The following PLEKHM3 variants were observed in gnomAD, a reference collection of about 807,000 sequenced individuals.
PLEKHM3 encodes pleckstrin homology domain containing M3.
A neutral mutation model predicts 81.8 loss-of-function variants in PLEKHM3; 45 were observed. The ratio of observed to expected loss-of-function variants is 0.55; its 90% confidence interval spans 0.43 to 0.71. PLEKHM3 has a LOEUF of 0.71. Ranked by LOEUF, PLEKHM3 falls within the 30% of genes least tolerant of loss-of-function variation. The probability of loss-of-function intolerance (pLI) is 0.00; values close to 1 mark genes in which losing one functional copy is unlikely to be tolerated. For missense variants in PLEKHM3, 788 were observed against 924.3 expected (o/e 0.85, Z 1.91); for synonymous variants, 352 against 356.4 (o/e 0.99, Z 0.14).
At chr2:207,860,950 CCAAAGGGGGAAACATGTTCTCCAAGAA>C (rs1458327378) in intron 7 of PLEKHM3, among the ~76,000 whole-genome samples, 128 bp downstream of exon 7, 1 of 152,020 alleles carries the variant, frequency 6.6e-6, no homozygotes, top group Non-Finnish European at 1.5e-5. Flanking sequence ...ATACAGGAAA[CCAAAGGGGGAAACATGTTCTCCAAGAA>C]CAAGGAAAAC....
chr2:207,861,374 A>G, intron 6 of PLEKHM3, 112 bp from the exon 7 acceptor site: 1 of 1,205,294 alleles, frequency 8.3e-7, no homozygotes, highest in Middle Eastern at 2.0e-4. Context: ...ACCTCTAATT[A>G]TAATTTCTCA....
intron 3 of PLEKHM3, among the ~76,000 whole-genome samples, chr2:207,955,789 C>T (rs181851295): frequency 2.0e-5 from 3 of 152,330 alleles, no homozygotes; most frequent in Middle Eastern, 3.4e-3. Flanking sequence ...AACTATGAAT[C>T]AATTTACATA....
At chr2:207,926,006 A>G (rs1689381276) in intron 5 of PLEKHM3, among the ~76,000 whole-genome samples, 1 of 151,998 alleles carries the variant, frequency 6.6e-6, no homozygotes, top group Non-Finnish European at 1.5e-5. Flanking sequence ...ATTTAATTAC[A>G]TGGCCTTGGG....
intron 4 of PLEKHM3, among the ~76,000 whole-genome samples, chr2:207,938,644 G>C (rs1689839553): frequency 6.6e-6 from 1 of 152,202 alleles, no homozygotes; most frequent in Non-Finnish European, 1.5e-5. Context: ...GCCAATGAGA[G>C]ATGATCCAGA....
intron 7 of PLEKHM3, among the ~76,000 whole-genome samples, chr2:207,834,434 C>CT (rs71412444): frequency 3.8e-4 from 51 of 134,250 alleles, no homozygotes; most frequent in East Asian, 9.2e-4. Context: ...CCAGCCTCTT[C>CT]TTTTTTTTTT....
chr2:207,985,171 A>G (rs192445144), intron 2 of PLEKHM3, among the ~76,000 whole-genome samples: 28 of 151,688 alleles, frequency 1.8e-4, no homozygotes, highest in Non-Finnish European at 3.5e-4. Context: ...CACCATGTCC[A>G]TGGCTCACCC....
chr2:207,836,883 C>G (rs531638321), intron 7 of PLEKHM3, among the ~76,000 whole-genome samples: 19 of 152,220 alleles, frequency 1.2e-4, no homozygotes, highest in Admixed American at 2.0e-4. Context: ...AAAGGACAGG[C>G]CTGCAGAGCA....
At chr2:207,904,228 CAA>C (rs1235268095) in intron 6 of PLEKHM3, among the ~76,000 whole-genome samples, 1 of 152,000 alleles carries the variant, frequency 6.6e-6, no homozygotes, top group African/African-American at 2.4e-5. Context: ...AAGTTATATT[CAA>C]AGAGTTTGGA....
intron 6 of PLEKHM3, among the ~76,000 whole-genome samples, chr2:207,878,444 A>G (rs978951956): frequency 2.6e-5 from 4 of 152,296 alleles, no homozygotes; most frequent in Admixed American, 6.5e-5. Context: ...TCCCGTCTCT[A>G]CTAAAAATAC....
At chr2:208,016,946 T>C (rs1026572322) in intron 1 of PLEKHM3, among the ~76,000 whole-genome samples, 22 of 152,166 alleles carry the variant, frequency 1.4e-4, no homozygotes, top group Admixed American at 3.9e-4. Flanking sequence ...AAGTCCCTCA[T>C]ATAAAATTAT....
chr2:207,898,952 T>C (rs1162704069), intron 6 of PLEKHM3, among the ~76,000 whole-genome samples: 1 of 152,154 alleles, frequency 6.6e-6, no homozygotes, highest in Non-Finnish European at 1.5e-5. Flanking sequence ...AATGTGTTGA[T>C]GGTTCACTAG....
intron 6 of PLEKHM3, among the ~76,000 whole-genome samples, chr2:207,865,801 A>AAAAAAAAAAAAAATATATATATATAT: frequency 4.0e-5 from 1 of 25,298 alleles, no homozygotes; most frequent in African/African-American, 2.1e-4. Flanking sequence ...AAAAAAAAAA[A>AAAAAAAAAAAAAATATATATATATAT]AGATATATAT....
chr2:207,990,741 A>C (rs1691873153), intron 2 of PLEKHM3, among the ~76,000 whole-genome samples: 1 of 152,192 alleles, frequency 6.6e-6, no homozygotes, highest in African/African-American at 2.4e-5. Context: ...TGGAGTACAC[A>C]GATGGTATTC....
chr2:207,894,943 G>T (rs566600615), intron 6 of PLEKHM3, among the ~76,000 whole-genome samples: 4 of 152,160 alleles, frequency 2.6e-5, no homozygotes, highest in Admixed American at 1.3e-4. Context: ...CATTATATAG[G>T]GCTATTGTGT....
chr2:207,936,281 A>G (rs1224939266), intron 4 of PLEKHM3, among the ~76,000 whole-genome samples: 3 of 151,974 alleles, frequency 2.0e-5, no homozygotes, highest in Non-Finnish European at 4.4e-5. Flanking sequence ...CTATTTGTGT[A>G]TTTTTTTTAC....
At chr2:207,840,236 G>C (rs1009041) in intron 7 of PLEKHM3, among the ~76,000 whole-genome samples, 3 of 152,050 alleles carry the variant, frequency 2.0e-5, no homozygotes, top group African/African-American at 4.8e-5. Flanking sequence ...GCCCAGGCTG[G>C]AGTGCAAGTG....
rs115342751 is a variant in PLEKHM3, at chr2:208,015,267, C to A, written c.-319+10122G>T. On this transcript the variant is annotated intron_variant, in intron 1 of 7. Coordinates refer to ENST00000427836, the MANE Select transcript of PLEKHM3 (RefSeq NM_001080475.3). The stretch of plus-strand genomic sequence containing the variant: ...GAAACAAGACTCTAAGATACACACA[C>A]AGCCCCATAAGACAATTCAAAGCAA... 4.6e-3 allele frequency among the ~76,000 whole-genome samples: 702 copies of A among 152,244 alleles called. 3 individuals are homozygous for A. Among genetic ancestry groups the A allele is most frequent in the African/African-American group, 0.016 (662 of 41,530 alleles).
intron 3 of PLEKHM3, among the ~76,000 whole-genome samples, chr2:207,975,335 CT>C (rs914700964): frequency 6.6e-6 from 1 of 152,100 alleles, no homozygotes; most frequent in Non-Finnish European, 1.5e-5. Context: ...CTTTATTTGG[CT>C]TTTTTCAATG....
chr2:207,991,347 G>A lies in PLEKHM3; in HGVS notation c.610+9683C>T, dbSNP rs534567908. 6.6e-5 allele frequency among the ~76,000 whole-genome samples: 10 copies of A among 152,332 alleles called. No individual in the cohort carries two copies. The East Asian group carries it at 1.9e-3, about 29-fold the overall frequency. ...GAATTATAGAGACTTAGAGCTGGAA[G>A]AGATCCTAGAAATCCCACTAGCACA... On this transcript the variant is annotated intron_variant, in intron 2 of 7. Coordinates refer to ENST00000427836, the MANE Select transcript of PLEKHM3 (RefSeq NM_001080475.3).
Sources: gnomAD v4.1 joint callset for allele counts (sites outside exome capture counted in the v4.1 genomes callset) on GRCh38, gnomAD v4.1.1 for gene constraint, MANE v1.5 for transcripts, NCBI Gene and HGNC (gene_info 2026-07-23, HGNC 2026-07-21) for gene names.